Variants in CPQ observed in about 807,000 individuals in gnomAD.
CPQ encodes the protein Ser-Met dipeptidase.
In CPQ, 37 loss-of-function variants were observed where a neutral mutation model predicts 45.7. The observed-to-expected ratio is 0.81, with a 90% CI of 0.62 to 1.07. The LOEUF (loss-of-function observed/expected upper bound fraction) is 1.07. Ranked by LOEUF, CPQ falls within the 50% of genes least tolerant of loss-of-function variation. The probability of loss-of-function intolerance (pLI) is 0.00; values close to 1 mark genes in which losing one functional copy is unlikely to be tolerated. For missense variants in CPQ, 537 were observed against 572.9 expected (o/e 0.94, Z 0.64); for synonymous variants, 186 against 205.8 (o/e 0.90, Z 0.82).
At chr8:97,058,138 T>C (rs939419556) in intron 6 of CPQ, among the ~76,000 whole-genome samples, 2 of 152,136 alleles carry the variant, frequency 1.3e-5, no homozygotes, top group Non-Finnish European at 2.9e-5. Context: ...TGCTTGTCTG[T>C]AGGCTAGAGA....
intron 7 of CPQ, among the ~76,000 whole-genome samples, chr8:97,068,760 C>CAATT (rs1201591665): frequency 1.3e-5 from 2 of 152,200 alleles, no homozygotes; most frequent in African/African-American, 4.8e-5. Flanking sequence ...GAAGGAGGTA[C>CAATT]AATTATCATG....
chr8:97,003,726 T>C (rs1182915709), intron 5 of CPQ, among the ~76,000 whole-genome samples: 2 of 152,152 alleles, frequency 1.3e-5, no homozygotes, highest in Non-Finnish European at 2.9e-5. Context: ...GGAAGGGGCC[T>C]TTAAAATGTC....
At chr8:96,811,245 C>T (rs576437663) in intron 2 of CPQ, among the ~76,000 whole-genome samples, 16 of 151,874 alleles carry the variant, frequency 1.1e-4, no homozygotes, top group Admixed American at 2.0e-4. Flanking sequence ...ATTTCATAAA[C>T]GTATTCTTTT....
chr8:96,891,397 C>T lies in CPQ; in HGVS notation c.849+11392C>T, dbSNP rs139263773. 3.8e-3 allele frequency among the ~76,000 whole-genome samples: 574 copies of T among 152,276 alleles called. 1 individual carries two copies. The highest frequency in any genetic ancestry group is 6.4e-3 in the Non-Finnish European group (435 of 68,022). On this transcript the variant is annotated intron_variant, in intron 4 of 7. Coordinates refer to ENST00000220763, the MANE Select transcript of CPQ (RefSeq NM_016134.4). ...CATATCGAGGGCTCAGTGTTGGTCCCGGCTGCTGGCAAATTAGGCACTCAG... is the reference window on the plus strand; with the variant it reads ...CATATCGAGGGCTCAGTGTTGGTCCTGGCTGCTGGCAAATTAGGCACTCAG...
intron 3 of CPQ, among the ~76,000 whole-genome samples, chr8:96,877,698 C>A (rs1461345823): frequency 1.3e-5 from 2 of 152,086 alleles, no homozygotes; most frequent in African/African-American, 4.8e-5. Flanking sequence ...TTTTTCATAG[C>A]AATATTATGA....
rs144402893 is a variant in CPQ at position 97,007,769 on chromosome 8, T to C, written c.962-21634T>C. On this transcript the variant is annotated intron_variant, in intron 5 of 7. Transcript: ENST00000220763. ...TTCTAGATGAGAGGAGAAATTGTTATTGCTCATAATAAAGGACGAAATGTT... is the reference window on the plus strand; with the variant it reads ...TTCTAGATGAGAGGAGAAATTGTTACTGCTCATAATAAAGGACGAAATGTT... 1.2e-3 allele frequency among the ~76,000 whole-genome samples: 187 copies of C among 152,308 alleles called. 2 individuals are homozygous for C. The Middle Eastern group carries it at 0.02, about 17-fold the overall frequency.
intron 6 of CPQ, among the ~76,000 whole-genome samples, chr8:97,030,656 A>G (rs1000660924): frequency 2.0e-5 from 3 of 152,234 alleles, no homozygotes; most frequent in African/African-American, 7.2e-5. Context: ...ATTCAGCAAC[A>G]TTCAATTAAT....
chr8:96,914,974 A>G (rs557559711), intron 4 of CPQ, among the ~76,000 whole-genome samples: 2 of 152,328 alleles, frequency 1.3e-5, no homozygotes, highest in Admixed American at 1.3e-4. Context: ...GAAATCACTG[A>G]TGGAATAATC....
chr8:96,734,731 TAAAATAAATA>T (rs1227118085), intron 1 of CPQ, among the ~76,000 whole-genome samples: 32 of 144,296 alleles, frequency 2.2e-4, no homozygotes, highest in African/African-American at 4.1e-4. Context: ...TAAAATAAAA[TAAAATAAATA>T]AAATAAAATA....
intron 3 of CPQ, among the ~76,000 whole-genome samples, chr8:96,852,107 A>G (rs1479607497): frequency 6.6e-6 from 1 of 152,200 alleles, no homozygotes; most frequent in Non-Finnish European, 1.5e-5. Context: ...GCAGCTTCCC[A>G]AGACTTTGGG....
intron 2 of CPQ, among the ~76,000 whole-genome samples, chr8:96,794,724 C>A (rs891593455): frequency 6.6e-6 from 1 of 152,188 alleles, no homozygotes; most frequent in Non-Finnish European, 1.5e-5. Context: ...CAAGTCACAT[C>A]TTGAATGCTT....
At chr8:96,911,180 A>G (rs574657988) in intron 4 of CPQ, among the ~76,000 whole-genome samples, 1 of 152,246 alleles carries the variant, frequency 6.6e-6, no homozygotes, top group African/African-American at 2.4e-5. Context: ...AGCAGGAGAG[A>G]GCAGGTTTGC....
At chr8:96,999,999 CTT>C (rs534518950) in intron 5 of CPQ, among the ~76,000 whole-genome samples, 58 of 143,044 alleles carry the variant, frequency 4.1e-4, no homozygotes, top group Middle Eastern at 3.6e-3. Context: ...TGCTGCTGAG[CTT>C]TTTTTTTTTT....
intron 7 of CPQ, among the ~76,000 whole-genome samples, chr8:97,078,634 C>T (rs751250927): frequency 9.9e-5 from 15 of 152,096 alleles, no homozygotes; most frequent in Non-Finnish European, 1.8e-4. Flanking sequence ...AACACGATCA[C>T]CAACAGTATA....
rs185982399 is a variant in CPQ, at chr8:96,942,267, G to C, written c.850-23668G>C. 2.1e-3 allele frequency among the ~76,000 whole-genome samples: 319 copies of C among 152,198 alleles called. 1 individual carries two copies. The highest frequency in any genetic ancestry group is 6.8e-3 in the Middle Eastern group (2 of 294). ...CCCTTCTTTCATCCCCATAATGCAGGGGGCTGAGTTTGGATTTGCAAACCT... is the reference window on the plus strand; with the variant it reads ...CCCTTCTTTCATCCCCATAATGCAGCGGGCTGAGTTTGGATTTGCAAACCT... On this transcript the variant is annotated intron_variant, in intron 4 of 7. Transcript: ENST00000220763.
intron 1 of CPQ, among the ~76,000 whole-genome samples, chr8:96,656,019 T>C (rs1002927319): frequency 1.3e-5 from 2 of 152,156 alleles, no homozygotes; most frequent in African/African-American, 4.8e-5. Flanking sequence ...CATGCCTGGC[T>C]ACTTTTTGTA....
At chr8:96,782,702 A>G (rs542297736) in intron 1 of CPQ, among the ~76,000 whole-genome samples, 18 of 152,224 alleles carry the variant, frequency 1.2e-4, no homozygotes, top group African/African-American at 4.3e-4. Flanking sequence ...TTCCCCTTAA[A>G]TTATGAATAC....
intron 5 of CPQ, among the ~76,000 whole-genome samples, chr8:97,024,452 T>C (rs890895090): frequency 1.6e-4 from 24 of 152,310 alleles, no homozygotes; most frequent in African/African-American, 5.8e-4. Flanking sequence ...GCCTAATTGC[T>C]TTATATTTAC....
chr8:97,057,192 C>G (rs375851162), intron 6 of CPQ, among the ~76,000 whole-genome samples: 12 of 152,250 alleles, frequency 7.9e-5, no homozygotes, highest in African/African-American at 2.9e-4. Flanking sequence ...CACCCTATCA[C>G]TCAAGTTTAC....
Sources: gnomAD v4.1 joint callset for allele counts (sites outside exome capture counted in the v4.1 genomes callset) on GRCh38, gnomAD v4.1.1 for gene constraint, MANE v1.5 for transcripts, NCBI Gene and HGNC (gene_info 2026-07-23, HGNC 2026-07-21) for gene names.